Variants in KLHL32 observed in about 807,000 individuals in gnomAD.
The protein encoded by KLHL32 is kelch like family member 32, also known as kelch-like protein 32.
Under a neutral mutation model 64.8 loss-of-function variants are expected in KLHL32, and 35 were observed. That is an observed-to-expected ratio of 0.54 (90% CI 0.41 to 0.72). KLHL32 has a LOEUF of 0.72. KLHL32 is among the 30% of genes least tolerant of loss of function. The pLI, the probability that KLHL32 is intolerant of heterozygous loss-of-function variation, is 0.00. For synonymous variants in KLHL32, 259 were observed against 281.0 expected (o/e 0.92, Z 0.78); for missense variants, 589 against 768.5 (o/e 0.77, Z 2.76).
chr6:97,132,583 G>A lies in KLHL32; in HGVS notation c.1607-70G>A, dbSNP rs1799549815. 5.8e-6 allele frequency: 7 copies of A among 1,208,058 alleles called. No homozygotes were observed. The East Asian group carries it at 1.4e-4, about 25-fold the overall frequency. 74.8% of individuals were successfully genotyped at this position (1,208,058 alleles called of 1,614,324 possible). A position where few individuals can be genotyped will look rare whatever the true frequency, so the allele number is the denominator to read the frequency against. On this transcript the variant is annotated intron_variant, in intron 9 of 10. Transcript: ENST00000369261. ...ACAAAGGAAAATTGTATCCCTCAGTGGCAAAAGGGTTAATTAAAATATGTA... is the reference window on the plus strand; with the variant it reads ...ACAAAGGAAAATTGTATCCCTCAGTAGCAAAAGGGTTAATTAAAATATGTA...
intron 3 of KLHL32, among the ~76,000 whole-genome samples, chr6:96,985,775 T>C (rs113921398): frequency 0.011 from 1,670 of 152,250 alleles, 42 homozygotes; most frequent in African/African-American, 0.039. Flanking sequence ...GCCATTCATC[T>C]AATTTTTTTT....
At chr6:97,055,977 T>G (rs1482456748) in intron 4 of KLHL32, among the ~76,000 whole-genome samples, 1 of 151,892 alleles carries the variant, frequency 6.6e-6, no homozygotes, top group Non-Finnish European at 1.5e-5. Context: ...GCTTTTATCT[T>G]CATCATTCCA....
intron 1 of KLHL32, among the ~76,000 whole-genome samples, chr6:96,929,911 A>C (rs1379863681): frequency 6.6e-6 from 1 of 152,236 alleles, no homozygotes; most frequent in African/African-American, 2.4e-5. Flanking sequence ...TGGAGTCACC[A>C]ACCTGATAAG....
chr6:96,945,050 A>G (rs1771757102), intron 1 of KLHL32, among the ~76,000 whole-genome samples: 1 of 152,238 alleles, frequency 6.6e-6, no homozygotes, highest in African/African-American at 2.4e-5. Flanking sequence ...GATAATTCCA[A>G]TGTGCTGTGC....
chr6:97,095,756 C>T (rs1004284780), intron 6 of KLHL32, among the ~76,000 whole-genome samples: 1 of 152,184 alleles, frequency 6.6e-6, no homozygotes, highest in Admixed American at 6.5e-5. Flanking sequence ...GTAAAGTGAT[C>T]TGCTGAGGAA....
At chr6:96,964,764 A>T (rs540406477) in intron 1 of KLHL32, among the ~76,000 whole-genome samples, 4 of 152,268 alleles carry the variant, frequency 2.6e-5, no homozygotes, top group African/African-American at 9.6e-5. Flanking sequence ...GGAATAATAA[A>T]TAGTAAATAA....
intron 3 of KLHL32, chr6:97,025,163 A>T: frequency 1.0e-6 from 1 of 960,060 alleles, no homozygotes; most frequent in Non-Finnish European, 1.2e-6. Flanking sequence ...ATAAAGAATT[A>T]TTGGAATCTG....
At chr6:97,070,954 T>A (rs1366395567) in intron 5 of KLHL32, among the ~76,000 whole-genome samples, 1 of 152,138 alleles carries the variant, frequency 6.6e-6, no homozygotes, top group Non-Finnish European at 1.5e-5. Flanking sequence ...CATGGTGAAA[T>A]GTCTCTCCTC....
intron 1 of KLHL32, among the ~76,000 whole-genome samples, chr6:96,932,745 T>A (rs1770093908): frequency 6.6e-6 from 1 of 152,012 alleles, no homozygotes. Flanking sequence ...TTTTAAAAAT[T>A]TTTTTGTAGA....
At chr6:97,014,268 C>T (rs995884405) in intron 3 of KLHL32, among the ~76,000 whole-genome samples, 1 of 150,478 alleles carries the variant, frequency 6.6e-6, no homozygotes, top group Non-Finnish European at 1.5e-5. Context: ...GCACTCCAAC[C>T]TGGGTGACAG....
At chr6:96,911,381 A>G in the KLHL32 span, among the ~76,000 whole-genome samples, 3 of 150,810 alleles carry the variant, frequency 2.0e-5, no homozygotes, top group Non-Finnish European at 4.4e-5. Context: ...AACCAACTCA[A>G]GCATTTTCAA....
At chr6:97,107,374 G>T (rs1047618598) in intron 6 of KLHL32, among the ~76,000 whole-genome samples, 1 of 152,054 alleles carries the variant, frequency 6.6e-6, no homozygotes, top group East Asian at 1.9e-4. Flanking sequence ...AAAAATAATG[G>T]CAAGTAGATA....
the KLHL32 span, among the ~76,000 whole-genome samples, chr6:96,902,781 G>T: frequency 1.3e-5 from 2 of 152,064 alleles, no homozygotes; most frequent in Non-Finnish European, 2.9e-5. Context: ...GTAAGGAAGG[G>T]GTCCAGTTTT....
chr6:97,079,420 T>C (rs551541363), intron 5 of KLHL32, among the ~76,000 whole-genome samples: 1 of 152,268 alleles, frequency 6.6e-6, no homozygotes, highest in South Asian at 2.1e-4. Context: ...TGCTCGATAA[T>C]TGCCTTGCAA....
At chr6:97,040,620 A>T (rs1784973781) in intron 3 of KLHL32, among the ~76,000 whole-genome samples, 1 of 152,130 alleles carries the variant, frequency 6.6e-6, no homozygotes, top group Admixed American at 6.5e-5. Flanking sequence ...CGCTGGTCCA[A>T]GGGCTACACT....
chr6:96,989,895 G>A (rs937809628), intron 3 of KLHL32, among the ~76,000 whole-genome samples: 8 of 152,076 alleles, frequency 5.3e-5, no homozygotes, highest in South Asian at 2.1e-4. Context: ...AAAAAAGTGC[G>A]ATTATTATTA....
intron 4 of KLHL32, among the ~76,000 whole-genome samples, chr6:97,055,701 C>T (rs548450107): frequency 1.4e-5 from 2 of 145,356 alleles, no homozygotes; most frequent in African/African-American, 5.1e-5. Context: ...GAGAGGTTGA[C>T]GTGAAAGAAT....
At chr6:97,057,842 C>T (rs1319272395) in intron 4 of KLHL32, among the ~76,000 whole-genome samples, 4 of 152,120 alleles carry the variant, frequency 2.6e-5, no homozygotes, top group Non-Finnish European at 5.9e-5. Flanking sequence ...AGATCTTCTC[C>T]TATGTTACCT....
intron 3 of KLHL32, among the ~76,000 whole-genome samples, chr6:97,027,530 A>G (rs1166377044): frequency 6.6e-6 from 1 of 152,208 alleles, no homozygotes; most frequent in Non-Finnish European, 1.5e-5. Context: ...AGGAAAATTG[A>G]TAAGAAGGAA....
Sources: allele counts gnomAD v4.1 joint callset (sites outside exome capture counted in the v4.1 genomes callset), GRCh38; gene constraint gnomAD v4.1.1; transcripts MANE v1.5; gene names NCBI Gene and HGNC (gene_info 2026-07-23, HGNC 2026-07-21).